The following KCND3 variants were observed in gnomAD, a reference collection of about 807,000 sequenced individuals.
KCND3 encodes potassium voltage-gated channel subfamily D member 3.
KCND3 carries 9 observed loss-of-function variants against 51.1 expected under a neutral mutation model. That is an observed-to-expected ratio of 0.18 (90% CI 0.11 to 0.31). The LOEUF (loss-of-function observed/expected upper bound fraction) is 0.31. KCND3 is among the 10% of genes least tolerant of loss of function. KCND3 has a pLI of 1.00. For missense variants in KCND3, 526 were observed against 903.8 expected (o/e 0.58, Z 5.36); for synonymous variants, 349 against 368.0 (o/e 0.95, Z 0.59).
chr1:111,886,755 G>A (rs2101751085), intron 2 of KCND3, among the ~76,000 whole-genome samples: 1 of 152,324 alleles, frequency 6.6e-6, no homozygotes, highest in Non-Finnish European at 1.5e-5. Context: ...TTAACCAAAA[G>A]GAGAAAGGAG....
At chr1:111,940,073 GTT>G (rs61088602) in intron 2 of KCND3, among the ~76,000 whole-genome samples, 4 of 85,462 alleles carry the variant, frequency 4.7e-5, no homozygotes, top group East Asian at 5.5e-4. Context: ...CTTTTTGATG[GTT>G]TTTTTTTTTT....
intron 2 of KCND3, among the ~76,000 whole-genome samples, chr1:111,942,582 G>T (rs1672577667): frequency 6.6e-6 from 1 of 152,200 alleles, no homozygotes; most frequent in Non-Finnish European, 1.5e-5. Context: ...TGTGGGCCAA[G>T]CCCCTCCTGC....
intron 2 of KCND3, among the ~76,000 whole-genome samples, chr1:111,916,054 A>G (rs1336562126): frequency 6.6e-6 from 1 of 152,206 alleles, no homozygotes; most frequent in East Asian, 1.9e-4. Context: ...AAAAGACTTG[A>G]ACAATCCCAT....
chr1:111,880,233 C>G (rs1226079809), intron 2 of KCND3, among the ~76,000 whole-genome samples: 2 of 152,124 alleles, frequency 1.3e-5, no homozygotes, highest in Non-Finnish European at 2.9e-5. Context: ...GATTTCAGAC[C>G]TGACCCATTG....
At chr1:111,793,667 G>T (rs1417620443) in intron 2 of KCND3, among the ~76,000 whole-genome samples, 1 of 152,146 alleles carries the variant, frequency 6.6e-6, no homozygotes, top group African/African-American at 2.4e-5. Flanking sequence ...GTGGTGTGCA[G>T]GGCCCTTTAT....
chr1:111,786,744 T>C (rs886364213), intron 3 of KCND3, among the ~76,000 whole-genome samples, 200 bp downstream of exon 3: 9 of 151,934 alleles, frequency 5.9e-5, no homozygotes, highest in Admixed American at 3.3e-4. Context: ...TACAGATAAT[T>C]GAGGGTTCAG....
intron 2 of KCND3, among the ~76,000 whole-genome samples, chr1:111,790,013 T>C (rs991793513): frequency 2.0e-5 from 3 of 152,176 alleles, no homozygotes; most frequent in Non-Finnish European, 2.9e-5. Context: ...GGTTTTCATG[T>C]TAAAATGTCT....
At chr1:111,841,523 T>G (rs1484207458) in intron 2 of KCND3, among the ~76,000 whole-genome samples, 3 of 152,272 alleles carry the variant, frequency 2.0e-5, no homozygotes, top group African/African-American at 7.2e-5. Context: ...AGAATCAGCA[T>G]GCTCAATTTA....
intron 2 of KCND3, among the ~76,000 whole-genome samples, chr1:111,796,474 G>T (rs1665062777): frequency 6.6e-6 from 1 of 152,154 alleles, no homozygotes; most frequent in Non-Finnish European, 1.5e-5. Flanking sequence ...CATGTCCTCT[G>T]CAGGAACATG....
chr1:111,892,649 T>C (rs1352085000), intron 2 of KCND3, among the ~76,000 whole-genome samples: 3 of 152,182 alleles, frequency 2.0e-5, no homozygotes, highest in African/African-American at 7.2e-5. Flanking sequence ...ACATGAAAGA[T>C]AATATAGTGC....
intron 2 of KCND3, among the ~76,000 whole-genome samples, chr1:111,827,187 G>T (rs914409916): frequency 6.6e-6 from 1 of 152,240 alleles, no homozygotes; most frequent in African/African-American, 2.4e-5. Flanking sequence ...GTACAGCAAA[G>T]CTGGAAGACA....
intron 2 of KCND3, among the ~76,000 whole-genome samples, chr1:111,879,865 C>T (rs924203622): frequency 3.3e-5 from 5 of 152,164 alleles, no homozygotes; most frequent in Admixed American, 6.5e-5. Context: ...AGTGTGGTGG[C>T]GGTGGGGTGC....
At chr1:111,821,683 C>G (rs763017004) in intron 2 of KCND3, among the ~76,000 whole-genome samples, 1 of 152,166 alleles carries the variant, frequency 6.6e-6, no homozygotes, top group Non-Finnish European at 1.5e-5. Flanking sequence ...ACTGGAGGCC[C>G]AGTTAGTGTC....
At chr1:111,816,913 C>T (rs79030266) in intron 2 of KCND3, among the ~76,000 whole-genome samples, 3,632 of 152,282 alleles carry the variant, frequency 0.024, 172 homozygotes, top group African/African-American at 0.083. Context: ...AGCTCTGAGA[C>T]GCGCCTGTGT....
intron 2 of KCND3, among the ~76,000 whole-genome samples, chr1:111,914,530 C>A (rs1054619850): frequency 6.6e-6 from 1 of 152,024 alleles, no homozygotes; most frequent in South Asian, 2.1e-4. Flanking sequence ...TTAAAAGCAG[C>A]CAGTGGAAAA....
At chr1:111,791,576 C>G (rs1423694066) in intron 2 of KCND3, among the ~76,000 whole-genome samples, 3 of 152,238 alleles carry the variant, frequency 2.0e-5, no homozygotes, top group Non-Finnish European at 2.9e-5. Context: ...TTTGACTCTG[C>G]TCACTAACAA....
chr1:111,793,460 A>G (rs1454664127), intron 2 of KCND3, among the ~76,000 whole-genome samples: 2 of 152,174 alleles, frequency 1.3e-5, no homozygotes, highest in African/African-American at 2.4e-5. Context: ...TACAGGCGTG[A>G]GCCACCGCGC....
chr1:111,858,646 G>A (rs1486909076), intron 2 of KCND3, among the ~76,000 whole-genome samples: 2 of 152,056 alleles, frequency 1.3e-5, no homozygotes, highest in African/African-American at 4.8e-5. Flanking sequence ...TGTGCCTGAT[G>A]GATGGGTCAG....
chr1:111,823,204 G>A (rs1024322555), intron 2 of KCND3, among the ~76,000 whole-genome samples: 1 of 152,216 alleles, frequency 6.6e-6, no homozygotes, highest in Non-Finnish European at 1.5e-5. Context: ...GGGGAGAGGT[G>A]TTCCACAAAT....
Sources: gnomAD v4.1 joint callset for allele counts (sites outside exome capture counted in the v4.1 genomes callset) on GRCh38, gnomAD v4.1.1 for gene constraint, MANE v1.5 for transcripts, NCBI Gene and HGNC (gene_info 2026-07-23, HGNC 2026-07-21) for gene names.